Variants in FBXL17 observed in about 807,000 individuals in gnomAD.
The protein encoded by FBXL17 is F-box/LRR-repeat protein 17.
A neutral mutation model predicts 66.2 loss-of-function variants in FBXL17; 22 were observed. The observed-to-expected ratio is 0.33, with a 90% CI of 0.24 to 0.47. The LOEUF (loss-of-function observed/expected upper bound fraction) is 0.47. Ranked by LOEUF, FBXL17 falls within the 20% of genes least tolerant of loss-of-function variation. The pLI is 1.00. For missense variants in FBXL17, 878 were observed against 948.2 expected (o/e 0.93, Z 0.97); for synonymous variants, 474 against 400.5 (o/e 1.18, Z -2.19).
At chr5:107,932,300 T>A (rs905083466) in intron 7 of FBXL17, among the ~76,000 whole-genome samples, 2 of 152,196 alleles carry the variant, frequency 1.3e-5, no homozygotes, top group African/African-American at 4.8e-5. Context: ...GTATAATTTA[T>A]CTTCTTAGTA....
chr5:107,881,232 T>G, intron 7 of FBXL17, 53 bp from the exon 8 acceptor site: 2 of 1,065,992 alleles, frequency 1.9e-6, no homozygotes, highest in Non-Finnish European at 2.7e-6. Context: ...AAGGGAGCTC[T>G]ATCTTATTAT....
chr5:108,356,724 T>C (rs940877013), intron 3 of FBXL17, among the ~76,000 whole-genome samples: 1 of 152,074 alleles, frequency 6.6e-6, no homozygotes, highest in Non-Finnish European at 1.5e-5. Flanking sequence ...GAAAATACTC[T>C]ATACTGTATC....
chr5:108,297,913 A>G, intron 4 of FBXL17: 1 of 960,562 alleles, frequency 1.0e-6, no homozygotes, highest in Non-Finnish European at 1.2e-6. Flanking sequence ...ATCAGAATCC[A>G]TATATCTTCA....
chr5:107,997,015 GT>G (rs1753500200), intron 7 of FBXL17, among the ~76,000 whole-genome samples: 1 of 152,206 alleles, frequency 6.6e-6, no homozygotes, highest in South Asian at 2.1e-4. Flanking sequence ...CTTATAACCA[GT>G]TAATATCAGG....
Position 108,381,540 on chromosome 5 carries a change from C to T in FBXL17, c.152G>A (p.Arg51Gln). Residue 51 changes from arginine (R) to glutamine (Q), a missense_variant, in exon 1 of 9, where the codon CGG becomes CAG. By Grantham distance (43) the Arg-to-Gln change is conservative. Around this residue, in one of 4 missense-constraint regions of FBXL17, gnomAD observed 605 missense variants for 509.5 expected, o/e 1.19. Transcript: ENST00000542267. Reference protein sequence around the residue: ...VPPQPAAPRSRDCFFRGPCML... With the variant: ...VPPQPAAPRSQDCFFRGPCML... The stretch of plus-strand genomic sequence containing the variant: ...GCAGGGCCCGCGGAAGAAGCAGTCC[C>T]GGCTCCGGGGCGCCGCCGGCTGAGG... 2 of 1,425,208 alleles carry T rather than the reference C, an allele frequency of 1.4e-6. No individual in the cohort carries two copies. The highest frequency in any genetic ancestry group is 1.8e-6 in the Non-Finnish European group (2 of 1,098,144). 88.3% of individuals were successfully genotyped at this position (1,425,208 alleles called of 1,614,324 possible). A position where few individuals can be genotyped will look rare whatever the true frequency, so the allele number is the denominator to read the frequency against.
intron 7 of FBXL17, among the ~76,000 whole-genome samples, chr5:108,015,306 TG>T (rs1561368614): frequency 6.6e-6 from 1 of 152,052 alleles, no homozygotes; most frequent in East Asian, 1.9e-4. Context: ...AATAATAGAA[TG>T]GAAAAAAAAG....
chr5:107,906,133 C>T (rs1749749681), intron 7 of FBXL17, among the ~76,000 whole-genome samples: 1 of 148,176 alleles, frequency 6.7e-6, no homozygotes, highest in Non-Finnish European at 1.5e-5. Context: ...TTGACCTTTT[C>T]TTGGAAACTA....
At chr5:107,909,648 G>A (rs1165229757) in intron 7 of FBXL17, among the ~76,000 whole-genome samples, 1 of 152,080 alleles carries the variant, frequency 6.6e-6, no homozygotes, top group Non-Finnish European at 1.5e-5. Flanking sequence ...TTTGCCTGAG[G>A]GATTTTTCAA....
chr5:108,309,119 T>C (rs1209380734), intron 4 of FBXL17, among the ~76,000 whole-genome samples: 2 of 152,098 alleles, frequency 1.3e-5, no homozygotes, highest in African/African-American at 2.4e-5. Flanking sequence ...ATTGGTCATA[T>C]AGACTATGAT....
At chr5:108,375,037 C>A (rs139700205) in intron 1 of FBXL17, among the ~76,000 whole-genome samples, 27 of 152,022 alleles carry the variant, frequency 1.8e-4, no homozygotes, top group Non-Finnish European at 1.2e-4. Context: ...AATAGATGAT[C>A]AACAAAACCA....
At chr5:107,983,718 A>G (rs1014383717) in intron 7 of FBXL17, among the ~76,000 whole-genome samples, 4 of 152,230 alleles carry the variant, frequency 2.6e-5, no homozygotes, top group African/African-American at 9.6e-5. Context: ...ACAGAAGGGC[A>G]AAGTCCGGAG....
intron 7 of FBXL17, among the ~76,000 whole-genome samples, chr5:107,983,849 A>G (rs1752917695): frequency 6.6e-6 from 1 of 152,178 alleles, no homozygotes; most frequent in Non-Finnish European, 1.5e-5. Context: ...ATGGCAGGGA[A>G]TAATAGAGGG....
In FBXL17 at chr5:108,002,182, ATTT is replaced by A. The variant is rs765399250; in HGVS notation, c.1822+18740_1822+18742del. 2.0e-4 allele frequency among the ~76,000 whole-genome samples: 22 copies of A among 109,450 alleles called. No individual in the cohort carries two copies. The East Asian group carries it at 3.7e-3, about 19-fold the overall frequency. 71.8% of individuals were successfully genotyped at this position (109,450 alleles called of 152,430 possible). Reference sequence around the variant, plus strand: ...TGGCACACACCACCACACCCAGCTAATTTTTTTTTTTTTTTTTTTTTTAGTAGA... The same window carrying A: ...TGGCACACACCACCACACCCAGCTAATTTTTTTTTTTTTTTTTTTAGTAGA... On this transcript the variant is annotated intron_variant, in intron 7 of 8. Transcript: ENST00000542267.
intron 7 of FBXL17, among the ~76,000 whole-genome samples, chr5:107,946,660 C>T (rs1751310277): frequency 6.6e-6 from 1 of 151,826 alleles, no homozygotes; most frequent in Non-Finnish European, 1.5e-5. Context: ...TTGTCAGGGA[C>T]AGAAGCCCCT....
chr5:107,947,913 A>G (rs1751368009), intron 7 of FBXL17, among the ~76,000 whole-genome samples: 1 of 152,158 alleles, frequency 6.6e-6, no homozygotes, highest in African/African-American at 2.4e-5. Flanking sequence ...TAAACATTTA[A>G]AAGATACTCT....
At chr5:108,188,622 T>A (rs1330575424) in intron 5 of FBXL17, among the ~76,000 whole-genome samples, 1 of 152,136 alleles carries the variant, frequency 6.6e-6, no homozygotes, top group Non-Finnish European at 1.5e-5. Flanking sequence ...ACGGACTCAT[T>A]CTTGTTAAAA....
intron 6 of FBXL17, among the ~76,000 whole-genome samples, chr5:108,168,540 C>T (rs1006805736): frequency 5.3e-5 from 8 of 152,070 alleles, no homozygotes; most frequent in African/African-American, 1.9e-4. Flanking sequence ...CCATTAATGG[C>T]CTAAGGATTA....
At chr5:107,911,585 GA>G (rs1273155576) in intron 7 of FBXL17, among the ~76,000 whole-genome samples, 6 of 152,100 alleles carry the variant, frequency 3.9e-5, no homozygotes, top group Admixed American at 3.9e-4. Context: ...CTGAGGAAAT[GA>G]AGGCATCCAG....
chr5:108,089,603 T>C (rs905741634), intron 6 of FBXL17, among the ~76,000 whole-genome samples: 3 of 152,132 alleles, frequency 2.0e-5, no homozygotes, highest in African/African-American at 7.2e-5. Flanking sequence ...AGGAAAATTC[T>C]GTATTTGTTT....
Sources: allele counts gnomAD v4.1 joint callset (sites outside exome capture counted in the v4.1 genomes callset), GRCh38; gene constraint gnomAD v4.1.1; regional missense constraint gnomAD v4.1.1; transcripts MANE v1.5; gene names NCBI Gene and HGNC (gene_info 2026-07-23, HGNC 2026-07-21).